FYN: variants seen among roughly 807,000 people sequenced by gnomAD.
FYN encodes FYN proto-oncogene, Src family tyrosine kinase.
In FYN, 10 loss-of-function variants were observed where a neutral mutation model predicts 70.2. That is an observed-to-expected ratio of 0.14 (90% CI 0.09 to 0.24). The LOEUF is 0.24. Among genes scored for constraint, FYN ranks in the 10% least tolerant of loss-of-function variants. FYN has a pLI of 1.00. For missense variants in FYN, 319 were observed against 673.1 expected, an observed-to-expected ratio of 0.47 and a Z score of 5.82; for synonymous variants, 236 against 248.6, an observed-to-expected ratio of 0.95 and a Z score of 0.48.
intron 3 of FYN, among the ~76,000 whole-genome samples, chr6:111,737,232 G>A (rs560273771): frequency 1.4e-4 from 22 of 152,330 alleles, no homozygotes; most frequent in African/African-American, 5.3e-4. Flanking sequence ...ACAGCTGGCT[G>A]TTCTCCAGTT....
intron 3 of FYN, among the ~76,000 whole-genome samples, chr6:111,742,903 C>A (rs1223759044): frequency 6.6e-6 from 1 of 151,958 alleles, no homozygotes; most frequent in Non-Finnish European, 1.5e-5. Flanking sequence ...GTTTTGGTCA[C>A]ACACGACCAC....
At chr6:111,721,759 T>A (rs1338395109) in intron 3 of FYN, among the ~76,000 whole-genome samples, 1 of 151,746 alleles carries the variant, frequency 6.6e-6, no homozygotes, top group Non-Finnish European at 1.5e-5. Flanking sequence ...TACTGGTATG[T>A]GTGTGAGAAG....
At chr6:111,870,496 G>A (rs891745593) in intron 1 of FYN, among the ~76,000 whole-genome samples, 2 of 152,318 alleles carry the variant, frequency 1.3e-5, no homozygotes, top group Admixed American at 6.5e-5. Context: ...ACATACCAAA[G>A]ACCTAACTCA....
chr6:111,718,753 G>T (rs1190622953), intron 4 of FYN, among the ~76,000 whole-genome samples: 1 of 152,172 alleles, frequency 6.6e-6, no homozygotes, highest in African/African-American at 2.4e-5. Flanking sequence ...CCCATGCAAG[G>T]CCTGGGTTAA....
chr6:111,860,347 A>G (rs1365170332), intron 1 of FYN, among the ~76,000 whole-genome samples: 2 of 152,104 alleles, frequency 1.3e-5, no homozygotes. Context: ...TAGCTCAACC[A>G]TGGGCTAGAC....
chr6:111,802,463 C>T (rs889652633), intron 2 of FYN, among the ~76,000 whole-genome samples: 2 of 151,762 alleles, frequency 1.3e-5, no homozygotes, highest in African/African-American at 2.4e-5. Context: ...GACAGAGTCT[C>T]GCTCTATTGC....
chr6:111,851,741 G>A (rs1222265588), intron 1 of FYN, among the ~76,000 whole-genome samples: 1 of 152,154 alleles, frequency 6.6e-6, no homozygotes, highest in Non-Finnish European at 1.5e-5. Flanking sequence ...AAAAACCCCA[G>A]GGGCCAGGTA....
intron 2 of FYN, chr6:111,814,216 G>A (rs1189491911): frequency 6.6e-6 from 1 of 152,116 alleles, no homozygotes; most frequent in Admixed American, 6.5e-5. Flanking sequence ...TTTAGAAATA[G>A]GTCAAAATGA....
At chr6:111,746,370 C>T (rs759993328) in intron 3 of FYN, among the ~76,000 whole-genome samples, 3 of 152,114 alleles carry the variant, frequency 2.0e-5, no homozygotes, top group Non-Finnish European at 4.4e-5. Flanking sequence ...TGATTTCTAC[C>T]ACGACAGATT....
intron 2 of FYN, among the ~76,000 whole-genome samples, chr6:111,782,770 T>G (rs1488208010): frequency 6.6e-6 from 1 of 152,212 alleles, no homozygotes; most frequent in Non-Finnish European, 1.5e-5. Context: ...TTCCTAAGTA[T>G]GGGCACTTTG....
At chr6:111,668,641 T>C (rs1452415005) in intron 13 of FYN, among the ~76,000 whole-genome samples, 2 of 152,024 alleles carry the variant, frequency 1.3e-5, no homozygotes, top group South Asian at 2.1e-4. Context: ...GCCACCCTCT[T>C]CACACGCATT....
At position 111,704,598 on chromosome 6, in the gene FYN, A is replaced by G. The variant is rs2128447247; in HGVS notation, c.444-496T>C. The stretch of plus-strand genomic sequence containing the variant: ...GTGAAACCCCAGCTCTACTAAAAAT[A>G]CAAAAATTAGCTTGGTGTGGTGGTG... On this transcript the variant is annotated intron_variant, in intron 6 of 13. Coordinates refer to ENST00000354650, the MANE Select transcript of FYN (RefSeq NM_002037.5). 2.6e-5 allele frequency among the ~76,000 whole-genome samples: 4 copies of G among 152,130 alleles called. No homozygotes were observed. In the Middle Eastern group the frequency reaches 0.014, roughly 517 times the overall value.
intron 8 of FYN, among the ~76,000 whole-genome samples, chr6:111,701,265 C>A (rs770255795): frequency 2.6e-5 from 4 of 151,804 alleles, no homozygotes; most frequent in Non-Finnish European, 4.4e-5. Flanking sequence ...ATCAGTCAGG[C>A]GAAAAAAGGT....
At chr6:111,679,602 C>A (rs923857888) in intron 12 of FYN, among the ~76,000 whole-genome samples, 1 of 152,080 alleles carries the variant, frequency 6.6e-6, no homozygotes, top group Non-Finnish European at 1.5e-5. Context: ...CCTTACAGAG[C>A]GTATTATCAG....
chr6:111,854,523 G>A (rs958632252), intron 1 of FYN, among the ~76,000 whole-genome samples: 5 of 152,174 alleles, frequency 3.3e-5, no homozygotes, highest in African/African-American at 9.7e-5. Flanking sequence ...AGTCAGAAGG[G>A]TTAATGGAAA....
intron 3 of FYN, among the ~76,000 whole-genome samples, chr6:111,727,053 A>G (rs1801221426): frequency 1.3e-5 from 2 of 152,144 alleles, no homozygotes; most frequent in African/African-American, 4.8e-5. Context: ...GGTCTCAGGT[A>G]TTTCTTCACA....
chr6:111,756,655 AT>A (rs1218579369), intron 3 of FYN, among the ~76,000 whole-genome samples: 1 of 152,236 alleles, frequency 6.6e-6, no homozygotes, highest in Non-Finnish European at 1.5e-5. Flanking sequence ...TGCAAGGATG[AT>A]TTAACTTTAA....
At chr6:111,825,446 G>A (rs1772803010) in intron 2 of FYN, among the ~76,000 whole-genome samples, 1 of 152,144 alleles carries the variant, frequency 6.6e-6, no homozygotes, top group African/African-American at 2.4e-5. Flanking sequence ...AGGATACCAG[G>A]CAAGTTACTA....
chr6:111,782,354 C>T (rs185665461), intron 2 of FYN, among the ~76,000 whole-genome samples: 1 of 152,124 alleles, frequency 6.6e-6, no homozygotes, highest in African/African-American at 2.4e-5. Flanking sequence ...CTGCTGAGTC[C>T]ATCCACGGGT....
Sources: allele counts gnomAD v4.1 joint callset (sites outside exome capture counted in the v4.1 genomes callset), GRCh38; gene constraint gnomAD v4.1.1; transcripts MANE v1.5; gene names NCBI Gene and HGNC (gene_info 2026-07-23, HGNC 2026-07-21).